The following CACNA1I variants were observed in gnomAD, a reference collection of about 807,000 sequenced individuals.
The protein encoded by CACNA1I is voltage-dependent T-type calcium channel subunit alpha-1I.
Under a neutral mutation model 201.6 loss-of-function variants are expected in CACNA1I, and 74 were observed. The ratio of observed to expected loss-of-function variants is 0.37; its 90% CI spans 0.30 to 0.45. The LOEUF (loss-of-function observed/expected upper bound fraction) is 0.45, where lower values mean the gene tolerates loss of function less well. CACNA1I is among the 20% of genes least tolerant of loss of function. CACNA1I has a pLI of 1.00. For missense variants in CACNA1I, 2,346 were observed against 3,138.1 expected (o/e 0.75, Z 6.03); for synonymous variants, 1,431 against 1,345.2 (o/e 1.06, Z -1.40).
chr22:39,660,511 C>T lies in CACNA1I; in HGVS notation c.2698+74C>T, dbSNP rs563214951. On this transcript the variant is annotated intron_variant, in intron 15 of 36. Coordinates refer to ENST00000402142, the MANE Select transcript of CACNA1I (RefSeq NM_021096.4). ...AGATCCAGGTGGGCAGAGGGTACAG[C>T]GTCTGACTCCACCTCAAGCCCAGGC... The T allele has an allele frequency of 7.0e-5, 68 of 970,212 alleles. No homozygotes were observed. In the South Asian group the frequency reaches 9.1e-4, roughly 13 times the overall value. 60.1% of individuals were successfully genotyped at this position (970,212 alleles called of 1,614,324 possible).
rs1032114474 is a variant in CACNA1I, at chr22:39,663,006, G to A, written c.3473+130G>A. ...CAGCGGACCCTCCCGGCCCAGAGGT[G>A]GGGGTCTCCAGGGGAGAGTGCAGCC... On this transcript the variant is annotated intron_variant, in intron 18 of 36. Coordinates refer to ENST00000402142, the MANE Select transcript of CACNA1I (RefSeq NM_021096.4). The A allele has an allele frequency of 6.6e-5, 44 of 663,542 alleles. No individual in the cohort carries two copies. The African/African-American group carries it at 7.5e-4, about 11-fold the overall frequency. The allele number at this position is 663,542 out of a possible 1,614,324, so 41.1% of individuals were successfully genotyped here.
At chr22:39,614,824 C>T (rs189908795) in intron 3 of CACNA1I, among the ~76,000 whole-genome samples, 1 of 152,212 alleles carries the variant, frequency 6.6e-6, no homozygotes, top group Non-Finnish European at 1.5e-5. Context: ...CACACGGGAG[C>T]CCCTCTCCCC....
chr22:39,665,001 C>A lies in CACNA1I; in HGVS notation c.3851+78C>A. 7.4e-7 allele frequency: 1 copy of A among 1,359,284 alleles called. No individual in the cohort carries two copies. The highest frequency in any genetic ancestry group is 1.0e-6 in the Non-Finnish European group (1 of 981,606). 84.2% of individuals were successfully genotyped at this position (1,359,284 alleles called of 1,614,324 possible). A position where few individuals can be genotyped will look rare whatever the true frequency, so the allele number is the denominator to read the frequency against. ...AGCCACGGGTCGAATTGGGCCCTCACTCCGCCCTCCCCGCCCGCCCACTCG... is the reference window on the plus strand; with the variant it reads ...AGCCACGGGTCGAATTGGGCCCTCAATCCGCCCTCCCCGCCCGCCCACTCG... On this transcript the variant is annotated intron_variant, in intron 21 of 36. Coordinates refer to ENST00000402142, the MANE Select transcript of CACNA1I (RefSeq NM_021096.4). The surrounding 1 kb of genome is among the most constrained non-coding windows in gnomAD (Gnocchi z 5.5).
At position 39,687,402 on chromosome 22, in the gene CACNA1I, T is replaced by C. The variant is rs1265438995; in HGVS notation, c.*997T>C. On this transcript the variant is annotated 3_prime_UTR_variant, in exon 37 of 37. Coordinates refer to ENST00000402142, the MANE Select transcript of CACNA1I (RefSeq NM_021096.4). ...GCAGGTGCCCCTGGGCTCAGGTAGT[T>C]AGTTGTTCAGCCACTAATGCCTTTT... The C allele has an allele frequency of 6.6e-6, 1 of 152,250 alleles. No homozygotes were observed. Among genetic ancestry groups the C allele is most frequent in the East Asian group, 1.9e-4 (1 of 5,190 alleles). The allele number at this position is 152,250 out of a possible 1,614,324, so 9.4% of individuals were successfully genotyped here.
chr22:39,610,371 G>A (rs536751892), intron 3 of CACNA1I, among the ~76,000 whole-genome samples: 4 of 152,304 alleles, frequency 2.6e-5, no homozygotes, highest in African/African-American at 4.8e-5. Context: ...CTGAGCTGCC[G>A]TTGGGTGGGC....
chr22:39,593,535 T>C (rs1392395039), intron 1 of CACNA1I, among the ~76,000 whole-genome samples: 1 of 152,104 alleles, frequency 6.6e-6, no homozygotes, highest in Non-Finnish European at 1.5e-5. Context: ...AGGGAAAGTG[T>C]AGGCAGAAGG....
chr22:39,625,545 C>T (rs1308165666), intron 4 of CACNA1I, among the ~76,000 whole-genome samples: 2 of 152,194 alleles, frequency 1.3e-5, no homozygotes. Context: ...ACGTGGCTCT[C>T]AACTTTGTCC....
At chr22:39,658,572 C>T (rs772723349) in intron 11 of CACNA1I, among the ~76,000 whole-genome samples, 28 of 152,240 alleles carry the variant, frequency 1.8e-4, no homozygotes, top group Admixed American at 4.6e-4. Context: ...TGTCACGTGA[C>T]GTGAAGACAC....
intron 4 of CACNA1I, among the ~76,000 whole-genome samples, chr22:39,622,561 T>C (rs1457665673): frequency 8.2e-6 from 1 of 121,642 alleles, no homozygotes; most frequent in Admixed American, 1.0e-4. Context: ...GGTTAGCAAG[T>C]GGTTGCTTTA....
At position 39,664,315 on chromosome 22, in the gene CACNA1I, C is replaced by A. The variant is rs139876154; in HGVS notation, c.3666+156C>A. The stretch of plus-strand genomic sequence containing the variant: ...TCTGGGTGCCAGCCCCGGGGCTGGG[C>A]TCCCGCGACCCAGAGGGGGTCAGCC... On this transcript the variant is annotated intron_variant, in intron 20 of 36. Transcript: ENST00000402142. 3.7e-3 allele frequency among the ~76,000 whole-genome samples: 557 copies of A among 151,796 alleles called. 2 individuals carry two copies. The highest frequency in any genetic ancestry group is 5.5e-3 in the Non-Finnish European group (373 of 67,808).
At position 39,649,785 on chromosome 22, in the gene CACNA1I, G is replaced by A. The variant is rs1428178271; in HGVS notation, c.1852G>A (p.Ala618Thr). 1.2e-6 allele frequency: 2 copies of A among 1,610,334 alleles called. No homozygotes were observed. The highest frequency in any genetic ancestry group is 8.5e-7 in the Non-Finnish European group (1 of 1,178,360). The stretch of plus-strand genomic sequence containing the variant: ...GGAGGAGGAGGAGCAGGCGGATGGG[G>A]CGGTCTGGCTGTGCGGGGATGTGTG... Reference protein sequence around the residue: ...EEEEEEQADGAVWLCGDVWRE... With the variant: ...EEEEEEQADGTVWLCGDVWRE... The change falls in exon 10 of 37, where the codon GCG becomes ACG. Residue 618 changes from alanine (A) to threonine (T), a missense_variant. This residue lies in a region of CACNA1I where 312 missense variants were observed against 331.5 expected (regional missense o/e 0.94). Transcript: ENST00000402142. The surrounding 1 kb of genome is among the most constrained non-coding windows in gnomAD (Gnocchi z 7.3).
intron 1 of CACNA1I, among the ~76,000 whole-genome samples, chr22:39,583,105 C>T (rs1199197603): frequency 1.3e-5 from 2 of 150,172 alleles, no homozygotes; most frequent in Admixed American, 6.6e-5. Context: ...TTCATCCATC[C>T]AACTGTCCAT....
intron 1 of CACNA1I, among the ~76,000 whole-genome samples, chr22:39,593,263 T>C (rs1569051861): frequency 1.3e-5 from 2 of 152,182 alleles, no homozygotes; most frequent in African/African-American, 4.8e-5. Context: ...TGGTGTCAGC[T>C]CTCCAGGCTT....
At chr22:39,608,681 A>G (rs1223158934) in intron 3 of CACNA1I, among the ~76,000 whole-genome samples, 3 of 148,226 alleles carry the variant, frequency 2.0e-5, no homozygotes, top group Non-Finnish European at 4.5e-5. Flanking sequence ...TAAAAAAAAA[A>G]AAAATGTGTG....
intron 1 of CACNA1I, among the ~76,000 whole-genome samples, chr22:39,592,041 G>A (rs1932828510): frequency 6.6e-6 from 1 of 152,244 alleles, no homozygotes; most frequent in African/African-American, 2.4e-5. Flanking sequence ...AAGACTTTGA[G>A]AGGTGTGGTG....
intron 4 of CACNA1I, among the ~76,000 whole-genome samples, chr22:39,621,981 C>T (rs77778591): frequency 0.025 from 3,863 of 152,230 alleles, 158 homozygotes; most frequent in African/African-American, 0.089. Context: ...AACTAAGGTC[C>T]AGAGAGGGTC....
At chr22:39,581,385 A>G (rs1932541970) in intron 1 of CACNA1I, among the ~76,000 whole-genome samples, 1 of 152,118 alleles carries the variant, frequency 6.6e-6, no homozygotes, top group South Asian at 2.1e-4. Flanking sequence ...CAGATTCTGG[A>G]GGGCAGAACG....
chr22:39,596,909 T>C (rs947990738), intron 1 of CACNA1I, among the ~76,000 whole-genome samples: 2 of 152,056 alleles, frequency 1.3e-5, no homozygotes, highest in Non-Finnish European at 2.9e-5. Flanking sequence ...CCCCTTTCTG[T>C]CTCCTGACAC....
chr22:39,620,886 T>A (rs1933724910), intron 4 of CACNA1I, among the ~76,000 whole-genome samples: 1 of 152,216 alleles, frequency 6.6e-6, no homozygotes, highest in Non-Finnish European at 1.5e-5. Context: ...CCCTCATGAG[T>A]AGCTGGGACT....
Sources: allele counts gnomAD v4.1 joint callset (sites outside exome capture counted in the v4.1 genomes callset), GRCh38; gene constraint gnomAD v4.1.1; regional missense constraint gnomAD v4.1.1; non-coding constraint Gnocchi (gnomAD v3.1); transcripts MANE v1.5; gene names NCBI Gene and HGNC (gene_info 2026-07-23, HGNC 2026-07-21).